DSG2: variants seen among roughly 807,000 people sequenced by gnomAD.
DSG2 encodes desmoglein-2.
Under a neutral mutation model 75.6 loss-of-function variants are expected in DSG2, and 45 were observed. The observed-to-expected ratio is 0.60, with a 90% CI of 0.47 to 0.76. The LOEUF (loss-of-function observed/expected upper bound fraction) is 0.76. Among genes scored for constraint, DSG2 ranks in the 30% least tolerant of loss-of-function variants. The probability of loss-of-function intolerance (pLI) is 0.00; values close to 1 mark genes in which losing one functional copy is unlikely to be tolerated. For synonymous variants in DSG2, 429 were observed against 483.9 expected, an observed-to-expected ratio of 0.89 and a Z score of 1.49; for missense variants, 1,267 against 1,357.4, an observed-to-expected ratio of 0.93 and a Z score of 1.05.
At chr18:31,504,647 C>G (rs2073029947) in intron 1 of DSG2, among the ~76,000 whole-genome samples, 1 of 152,046 alleles carries the variant, frequency 6.6e-6, no homozygotes, top group Non-Finnish European at 1.5e-5. Context: ...AGGGTGCTGC[C>G]CTTAGGACAG....
At position 31,531,066 on chromosome 18, in the gene DSG2, G is replaced by A; in HGVS notation, c.1094G>A (p.Arg365Lys). The A allele has an allele frequency of 1.2e-6, 2 of 1,614,084 alleles. No individual in the cohort carries two copies. The highest frequency in any genetic ancestry group is 1.7e-6 in the Non-Finnish European group (2 of 1,179,996). Residue 365 changes from arginine to lysine, a missense_variant, in exon 9 of 15, where the codon AGG becomes AAG. Transcript: ENST00000261590. ...AAAGCAGCTTTTCACAAGTCGATTA[G>A]GAGTAAATACAAGCCTACACCCATT... is the stretch of plus-strand genomic sequence containing the variant. ...ANKAAFHKSI[R>K]SKYKPTPIPI...
rs2073330451 is a variant in DSG2 at position 31,548,473 on chromosome 18, A to T, written c.*1730A>T. 6.6e-6 allele frequency: 1 copy of T among 152,244 alleles called. No homozygotes were observed. Among genetic ancestry groups the T allele is most frequent in the Admixed American group, 6.5e-5 (1 of 15,294 alleles). 9.4% of individuals were successfully genotyped at this position (152,244 alleles called of 1,614,324 possible). On this transcript the variant is annotated 3_prime_UTR_variant, in exon 15 of 15. Transcript: ENST00000261590. ...CCACTAACTGTACAGATCAGGACACATATTTTTAGACATCTAAGTCTGTAG... is the reference window on the plus strand; with the variant it reads ...CCACTAACTGTACAGATCAGGACACTTATTTTTAGACATCTAAGTCTGTAG...
At chr18:31,521,733 G>C (rs1009015676) in intron 5 of DSG2, among the ~76,000 whole-genome samples, 2 of 152,160 alleles carry the variant, frequency 1.3e-5, no homozygotes, top group African/African-American at 4.8e-5. Context: ...GTAAGGAATA[G>C]TTACGCTTCT....
At chr18:31,514,890 C>T (rs1002485240) in intron 1 of DSG2, among the ~76,000 whole-genome samples, 4 of 152,128 alleles carry the variant, frequency 2.6e-5, no homozygotes, top group Non-Finnish European at 4.4e-5. Flanking sequence ...AAATTACTTC[C>T]GTTTTCTTAT....
At chr18:31,540,470 G>A (rs1266411457) in intron 12 of DSG2, among the ~76,000 whole-genome samples, 1 of 152,190 alleles carries the variant, frequency 6.6e-6, no homozygotes, top group Admixed American at 6.5e-5. Flanking sequence ...CAGATTCCCT[G>A]GAGCCTAATG....
intron 5 of DSG2, among the ~76,000 whole-genome samples, chr18:31,521,458 A>T (rs1040577401): frequency 5.9e-5 from 9 of 152,042 alleles, no homozygotes; most frequent in African/African-American, 2.2e-4. Context: ...GATTAATGTG[A>T]TGGATAAGGT....
intron 1 of DSG2, 87 bp from the exon 2 acceptor site, chr18:31,518,149 ATAT>A (rs1333971880): frequency 2.9e-6 from 3 of 1,048,592 alleles, no homozygotes; most frequent in Admixed American, 3.7e-5. Flanking sequence ...TATGTCTATA[ATAT>A]TCAATGCAGT....
chr18:31,526,103 C>T (rs2073161674), intron 8 of DSG2, among the ~76,000 whole-genome samples: 1 of 152,060 alleles, frequency 6.6e-6, no homozygotes, highest in Non-Finnish European at 1.5e-5. Flanking sequence ...AAGATCGTGC[C>T]ATTGCCCTCA....
intron 11 of DSG2, among the ~76,000 whole-genome samples, chr18:31,537,632 C>A (rs2073239595): frequency 6.6e-6 from 1 of 151,636 alleles, no homozygotes; most frequent in African/African-American, 2.4e-5. Context: ...AAAAAAACTC[C>A]CTATGATCCT....
At chr18:31,529,099 A>G (rs752683666) in intron 8 of DSG2, among the ~76,000 whole-genome samples, 1 of 152,228 alleles carries the variant, frequency 6.6e-6, no homozygotes, top group Non-Finnish European at 1.5e-5. Context: ...CATGAGAAAA[A>G]TTCACAGCTT....
At position 31,547,715 on chromosome 18, in the gene DSG2, C is replaced by T. The variant is rs2073324872; in HGVS notation, c.*972C>T. On this transcript the variant is annotated 3_prime_UTR_variant, in exon 15 of 15. Coordinates refer to ENST00000261590, the MANE Select transcript of DSG2 (RefSeq NM_001943.5). ...AAAGGAAAAAAAAATAGCATTATAC[C>T]TCTTCCTTGTCTCAACCGCCATGAA... is the stretch of plus-strand genomic sequence containing the variant. 1 of 151,900 alleles carries T rather than the reference C, an allele frequency of 6.6e-6. No homozygotes were observed. The highest frequency in any genetic ancestry group is 6.6e-5 in the Admixed American group (1 of 15,230). 9.4% of individuals were successfully genotyped at this position (151,900 alleles called of 1,614,324 possible).
intron 1 of DSG2, among the ~76,000 whole-genome samples, chr18:31,508,695 A>C (rs1185146397): frequency 6.6e-6 from 1 of 152,186 alleles, no homozygotes; most frequent in Non-Finnish European, 1.5e-5. Context: ...GGCGTGAGCC[A>C]CTGAGCCCGG....
chr18:31,543,738 C>A (rs2073285413), intron 14 of DSG2, among the ~76,000 whole-genome samples: 1 of 151,960 alleles, frequency 6.6e-6, no homozygotes, highest in Non-Finnish European at 1.5e-5. Flanking sequence ...TGCTGGCACA[C>A]ACCTGTAGTC....
chr18:31,516,063 A>G (rs2073092552), intron 1 of DSG2, among the ~76,000 whole-genome samples: 1 of 152,212 alleles, frequency 6.6e-6, no homozygotes, highest in African/African-American at 2.4e-5. Flanking sequence ...ACATATAGAC[A>G]ATAATTTCAA....
chr18:31,531,228 A>T lies in DSG2; in HGVS notation c.1256A>T (p.Asp419Val), dbSNP rs760135423. 6.2e-7 allele frequency: 1 copy of T among 1,614,204 alleles called. No homozygotes were observed. ...IIGNFQAFDE[D>V]TGLPAHARYV... ...GGAAATTTTCAAGCTTTTGATGAGGACACTGGACTACCAGCCCATGCAAGG... is the reference window on the plus strand; with the variant it reads ...GGAAATTTTCAAGCTTTTGATGAGGTCACTGGACTACCAGCCCATGCAAGG... Residue 419 changes from aspartate to valine, a missense_variant, in exon 9 of 15, where the codon GAC becomes GTC. Transcript: ENST00000261590.
At chr18:31,517,872 A>C (rs60201736) in intron 1 of DSG2, among the ~76,000 whole-genome samples, 3,803 of 152,200 alleles carry the variant, frequency 0.025, 171 homozygotes, top group African/African-American at 0.086. Flanking sequence ...TGTGGGGTAC[A>C]TTACATACTG....
At chr18:31,536,932 A>G (rs762824603) in intron 11 of DSG2, among the ~76,000 whole-genome samples, 3 of 152,138 alleles carry the variant, frequency 2.0e-5, no homozygotes, top group Non-Finnish European at 4.4e-5. Flanking sequence ...TAGAAACAAC[A>G]TAACAGGGGA....
chr18:31,524,989 A>T (rs2073155299), intron 8 of DSG2, 101 bp downstream of exon 8: 3 of 1,105,408 alleles, frequency 2.7e-6, no homozygotes, highest in Middle Eastern at 2.0e-4. Flanking sequence ...TTACATATTC[A>T]ATTAACTAGC....
Position 31,522,240 on chromosome 18 carries a change from G to A in DSG2, c.681G>A (p.Leu227=), listed in dbSNP as rs2073133181. 1 of 1,612,896 alleles carries A rather than the reference G, an allele frequency of 6.2e-7. No individual in the cohort carries two copies. The highest frequency in any genetic ancestry group is 1.3e-5 in the African/African-American group (1 of 74,858). The part of the protein sequence containing the change: ...TGEIYTTSVT[L]DREEHSSYTL... ...AGATTTATACAACCAGTGTTACCTT[G>A]GACAGAGAGGTAAGTTAATATGTTA... The change falls in exon 6 of 15, where the codon TTG becomes TTA. Residue 227 remains leucine, a synonymous_variant. Transcript: ENST00000261590.
Sources: allele counts gnomAD v4.1 joint callset (sites outside exome capture counted in the v4.1 genomes callset), GRCh38; gene constraint gnomAD v4.1.1; transcripts MANE v1.5; gene names NCBI Gene and HGNC (gene_info 2026-07-23, HGNC 2026-07-21).